The following FNIP1 variants were observed in gnomAD, a reference collection of about 807,000 sequenced individuals.
FNIP1 encodes the protein folliculin interacting protein 1, also known as folliculin-interacting protein 1.
Under a neutral mutation model 124.5 loss-of-function variants are expected in FNIP1, and 40 were observed. That is an observed-to-expected ratio of 0.32 (90% CI 0.25 to 0.42). The LOEUF (loss-of-function observed/expected upper bound fraction) is 0.42, where lower values mean the gene tolerates loss of function less well. Ranked by LOEUF, FNIP1 falls within the 10% of genes least tolerant of loss-of-function variation. The pLI is 1.00. For missense variants in FNIP1, 1,176 were observed against 1,403.7 expected (o/e 0.84, Z 2.59); for synonymous variants, 472 against 470.6 (o/e 1.00, Z -0.04).
intron 1 of FNIP1, among the ~76,000 whole-genome samples, chr5:131,765,148 G>C (rs1771376287): frequency 1.3e-5 from 2 of 152,142 alleles, no homozygotes; most frequent in Admixed American, 6.5e-5. Flanking sequence ...CTTGAGCCCA[G>C]GAGGTCCAGA....
chr5:131,753,137 T>G (rs372491329), intron 1 of FNIP1, among the ~76,000 whole-genome samples: 13 of 152,234 alleles, frequency 8.5e-5, no homozygotes, highest in Admixed American at 8.5e-4. Flanking sequence ...TGGCTAAAAC[T>G]GACACGACTA....
intron 2 of FNIP1, among the ~76,000 whole-genome samples, chr5:131,734,289 T>C (rs913259540): frequency 6.6e-6 from 1 of 152,200 alleles, no homozygotes; most frequent in Non-Finnish European, 1.5e-5. Context: ...CCTGGATTCA[T>C]GGATTTTTTG....
intron 17 of FNIP1, among the ~76,000 whole-genome samples, chr5:131,645,427 A>G (rs997140491): frequency 4.6e-5 from 7 of 152,210 alleles, no homozygotes; most frequent in Admixed American, 1.3e-4. Flanking sequence ...TCCTACCACA[A>G]ATTTATAGGA....
chr5:131,750,226 T>C, intron 1 of FNIP1, among the ~76,000 whole-genome samples: 1 of 152,072 alleles, frequency 6.6e-6, no homozygotes, highest in Non-Finnish European at 1.5e-5. Flanking sequence ...GCTGAATTGA[T>C]CTAAGCTAGT....
At chr5:131,657,758 A>AAAAAAAAAAAAAAC (rs1767248419) in intron 15 of FNIP1, among the ~76,000 whole-genome samples, 3 of 148,418 alleles carry the variant, frequency 2.0e-5, no homozygotes, top group African/African-American at 7.6e-5. Context: ...AAAAAAAAAA[A>AAAAAAAAAAAAAAC]CGGTGGGTGA....
chr5:131,796,575 T>A, intron 1 of FNIP1: 1 of 524,782 alleles, frequency 1.9e-6, no homozygotes, highest in Non-Finnish European at 3.4e-6. Context: ...CGCGCGTGGC[T>A]GGGGGCAGGT....
chr5:131,779,004 G>C (rs1237138760), intron 1 of FNIP1, among the ~76,000 whole-genome samples: 7 of 104,050 alleles, frequency 6.7e-5, no homozygotes, highest in Middle Eastern at 4.5e-3. Context: ...GGTGGGGAGG[G>C]GGGAGGGGGG....
chr5:131,685,750 C>T (rs975350505), intron 11 of FNIP1, among the ~76,000 whole-genome samples: 5 of 151,766 alleles, frequency 3.3e-5, no homozygotes, highest in Non-Finnish European at 7.4e-5. Flanking sequence ...CACTGCACCT[C>T]GCTCCTTAAG....
chr5:131,710,189 A>AT (rs1431224628), intron 7 of FNIP1, among the ~76,000 whole-genome samples: 1 of 152,132 alleles, frequency 6.6e-6, no homozygotes, highest in African/African-American at 2.4e-5. Flanking sequence ...AGATAGGATA[A>AT]TTTTCTGCAA....
chr5:131,796,457 G>C (rs1580848065), intron 1 of FNIP1: 1 of 241,368 alleles, frequency 4.1e-6, no homozygotes, highest in East Asian at 9.3e-5. Context: ...GCGGCCCGGA[G>C]TACGGCGGCT....
At chr5:131,735,364 C>T (rs1048486563) in intron 2 of FNIP1, among the ~76,000 whole-genome samples, 11 of 151,800 alleles carry the variant, frequency 7.2e-5, no homozygotes, top group African/African-American at 1.5e-4. Context: ...ATGTAAATGA[C>T]GAGTTAATGG....
Position 131,669,590 on chromosome 5 carries a change from A to G in FNIP1, c.3108+873T>C, listed in dbSNP as rs147986937. On this transcript the variant is annotated intron_variant, in intron 15 of 17. Coordinates refer to ENST00000510461, the MANE Select transcript of FNIP1 (RefSeq NM_133372.3). ...AGATGAAAAATGACACGACAATACA[A>G]TCTCAATAGACATTGAGAAAAAGCA... is the stretch of plus-strand genomic sequence containing the variant. Among the ~76,000 whole-genome samples, 450 of 152,262 alleles carry G rather than the reference A, an allele frequency of 3.0e-3. 4 individuals carry two copies. The highest frequency in any genetic ancestry group is 0.01 in the African/African-American group (419 of 41,572).
In FNIP1 at chr5:131,706,401, T is replaced by A. The variant is rs771946465; in HGVS notation, c.914+10A>T. 6.2e-7 allele frequency: 1 copy of A among 1,605,048 alleles called. No individual in the cohort carries two copies. The highest frequency in any genetic ancestry group is 1.3e-5 in the African/African-American group (1 of 74,588). On this transcript the variant is annotated intron_variant, in intron 9 of 17. Coordinates refer to ENST00000510461, the MANE Select transcript of FNIP1 (RefSeq NM_133372.3). Reference sequence around the variant, plus strand: ...CTCAATCTTGTTCTGTGTTTAAAGTTCCAACTTACCATCTAGGAAATACCC... The same window carrying A: ...CTCAATCTTGTTCTGTGTTTAAAGTACCAACTTACCATCTAGGAAATACCC...
chr5:131,763,089 T>G lies in FNIP1; in HGVS notation c.93-18399A>C, dbSNP rs543024392. On this transcript the variant is annotated intron_variant, in intron 1 of 17. Coordinates refer to ENST00000510461, the MANE Select transcript of FNIP1 (RefSeq NM_133372.3). ...ATATAGTTCAGTAGAATTAATAAGA[T>G]CTAGTGTTTGATAGCACAACAGGGT... Among the ~76,000 whole-genome samples the G allele has an allele frequency of 2.6e-5, 4 of 152,244 alleles. No homozygotes were observed. In the South Asian group the frequency reaches 8.3e-4, roughly 32 times the overall value.
At chr5:131,731,086 TA>T (rs1256782722) in intron 2 of FNIP1, 48 bp from the exon 3 acceptor site, 1 of 1,537,562 alleles carries the variant, frequency 6.5e-7, no homozygotes, top group Non-Finnish European at 8.8e-7. Flanking sequence ...TTTTTAACCA[TA>T]TACAAATTTC....
chr5:131,744,818 T>G (rs1308952371), intron 1 of FNIP1, 128 bp from the exon 2 acceptor site: 1 of 599,868 alleles, frequency 1.7e-6, no homozygotes, highest in Non-Finnish European at 2.3e-6. Context: ...AATATATATA[T>G]CTTTATATTA....
intron 15 of FNIP1, among the ~76,000 whole-genome samples, chr5:131,658,542 C>A (rs1406641175): frequency 1.3e-5 from 2 of 151,970 alleles, no homozygotes; most frequent in Non-Finnish European, 2.9e-5. Context: ...CTTCATACAT[C>A]TCAAGTTGGG....
chr5:131,644,560 C>G lies in FNIP1; in HGVS notation c.*125G>C. The G allele has an allele frequency of 1.3e-6, 1 of 759,820 alleles. No homozygotes were observed. The highest frequency in any genetic ancestry group is 2.2e-6 in the Non-Finnish European group (1 of 453,596). The allele number at this position is 759,820 out of a possible 1,614,324, so 47.1% of individuals were successfully genotyped here. A position where few individuals can be genotyped will look rare whatever the true frequency, so the allele number is the denominator to read the frequency against. On this transcript the variant is annotated 3_prime_UTR_variant, in exon 18 of 18. Transcript: ENST00000510461. ...AGAATATACAATGCTATGCAGAATA[C>G]CCTGGTGACTGACTCATTCAGATGG...
chr5:131,782,133 G>A (rs745920992), intron 1 of FNIP1, among the ~76,000 whole-genome samples: 3 of 152,036 alleles, frequency 2.0e-5, no homozygotes, highest in East Asian at 1.9e-4. Context: ...CAGCCTAGGC[G>A]ACATGGAGAC....
Sources: allele counts gnomAD v4.1 joint callset (sites outside exome capture counted in the v4.1 genomes callset), GRCh38; gene constraint gnomAD v4.1.1; transcripts MANE v1.5; gene names NCBI Gene and HGNC (gene_info 2026-07-23, HGNC 2026-07-21).